MAPT: variants seen among roughly 807,000 people sequenced by gnomAD.
The protein encoded by MAPT is microtubule-associated protein tau.
A neutral mutation model predicts 67.9 loss-of-function variants in MAPT; 34 were observed. The observed-to-expected ratio is 0.50, with a 90% confidence interval of 0.38 to 0.67. MAPT has a LOEUF of 0.67. Ranked by LOEUF, MAPT falls within the 30% of genes least tolerant of loss-of-function variation. MAPT has a pLI of 0.00. For synonymous variants in MAPT, 456 were observed against 464.5 expected, an observed-to-expected ratio of 0.98 and a Z score of 0.23; for missense variants, 881 against 1,115.2, an observed-to-expected ratio of 0.79 and a Z score of 2.99.
At chr17:45,923,226 G>A (rs578069054) in intron 1 of MAPT, among the ~76,000 whole-genome samples, 1 of 152,320 alleles carries the variant, frequency 6.6e-6, no homozygotes, top group South Asian at 2.1e-4. Flanking sequence ...GCTGGATGCT[G>A]TAGATACTAA....
chr17:46,021,655 AC>A, intron 12 of MAPT, among the ~76,000 whole-genome samples: 1 of 152,198 alleles, frequency 6.6e-6, no homozygotes, highest in Admixed American at 6.5e-5. Flanking sequence ...GAAATGCTGT[AC>A]CTACGTCCCG....
rs1271080496 is a variant in MAPT at position 45,904,329 on chromosome 17, T to TAATATATTATA, written c.-18+9643_-18+9644insAATATATTATA. Among the ~76,000 whole-genome samples the TAATATATTATA allele has an allele frequency of 1.3e-3, 79 of 62,202 alleles. 2 individuals are homozygous for TAATATATTATA. In the South Asian group the frequency reaches 0.03, roughly 23 times the overall value. The allele number at this position is 62,202 out of a possible 152,430, so 40.8% of individuals were successfully genotyped here. ...TATATAAAAACATATATAATATATA[T>TAATATATTATA]TATATATTATATATATATTATATAT... On this transcript the variant is annotated intron_variant, in intron 1 of 12. Transcript: ENST00000262410.
chr17:45,990,472 GGCGTGGTGGTAT>G (rs886303984), intron 7 of MAPT: 4 of 449,162 alleles, frequency 8.9e-6, no homozygotes, highest in Non-Finnish European at 1.3e-5. Context: ...AAATTAGCCG[GGCGTGGTGGTAT>G]GCGTGGTGGT....
intron 1 of MAPT, among the ~76,000 whole-genome samples, chr17:45,917,322 G>A (rs1284566914): frequency 6.6e-6 from 1 of 152,136 alleles, no homozygotes. Flanking sequence ...TAAGAGCTAG[G>A]GTTGTCTCAT....
intron 9 of MAPT, among the ~76,000 whole-genome samples, chr17:46,006,469 A>G (rs1326811158): frequency 1.3e-5 from 2 of 152,040 alleles, no homozygotes; most frequent in African/African-American, 4.8e-5. Context: ...AGGGATGGTT[A>G]ATGGGTACAA....
At chr17:45,903,556 A>C (rs2063760160) in intron 1 of MAPT, among the ~76,000 whole-genome samples, 1 of 150,564 alleles carries the variant, frequency 6.6e-6, no homozygotes, top group African/African-American at 2.4e-5. Context: ...TCTACTAAAA[A>C]TACAAAAAAT....
chr17:46,012,228 G>A (rs555750701), intron 10 of MAPT, among the ~76,000 whole-genome samples: 17 of 152,300 alleles, frequency 1.1e-4, no homozygotes, highest in African/African-American at 3.4e-4. Flanking sequence ...CACGGGCTGC[G>A]TGGCCAACCC....
chr17:45,927,913 T>C (rs1447317002), intron 1 of MAPT, among the ~76,000 whole-genome samples: 3 of 141,348 alleles, frequency 2.1e-5, no homozygotes, highest in Admixed American at 1.6e-4. Flanking sequence ...GGCAGGAGAA[T>C]GGCGTGAACC....
chr17:45,909,325 A>T (rs1181389999), intron 1 of MAPT, among the ~76,000 whole-genome samples: 1 of 152,206 alleles, frequency 6.6e-6, no homozygotes, highest in Non-Finnish European at 1.5e-5. Flanking sequence ...TTCCAGTGGG[A>T]TAAGCCCTGC....
At chr17:46,014,201 T>C in intron 10 of MAPT, 42 bp from the exon 11 acceptor site, 1 of 1,135,526 alleles carries the variant, frequency 8.8e-7, no homozygotes, top group Non-Finnish European at 1.3e-6. Flanking sequence ...TCTTCCTCTC[T>C]CTCTGCCTTT....
Position 45,937,067 on chromosome 17 carries a change from G to A in MAPT, c.-17-25254G>A, listed in dbSNP as rs143267653. Among the ~76,000 whole-genome samples the A allele has an allele frequency of 5.9e-3, 899 of 152,276 alleles. 9 individuals carry two copies. The highest frequency in any genetic ancestry group is 0.02 in the African/African-American group (831 of 41,530). On this transcript the variant is annotated intron_variant, in intron 1 of 12. Coordinates refer to ENST00000262410, the MANE Select transcript of MAPT (RefSeq NM_001377265.1). ...AAATATGTATGCGATATGAGAGCTC[G>A]TCAGTTAGCTGTCTTCAGTGTGGCG...
chr17:45,993,187 G>T (rs2074213314), intron 8 of MAPT, among the ~76,000 whole-genome samples: 1 of 152,232 alleles, frequency 6.6e-6, no homozygotes, highest in Non-Finnish European at 1.5e-5. Flanking sequence ...GCGTGTCTTT[G>T]CGGTGGCATT....
At chr17:45,900,845 C>A (rs891941902) in intron 1 of MAPT, among the ~76,000 whole-genome samples, 1 of 152,134 alleles carries the variant, frequency 6.6e-6, no homozygotes, top group Non-Finnish European at 1.5e-5. Context: ...TATGATGGTA[C>A]CTGTCTCACG....
chr17:45,917,058 T>G (rs1208512649), intron 1 of MAPT, among the ~76,000 whole-genome samples: 1 of 152,246 alleles, frequency 6.6e-6, no homozygotes, highest in African/African-American at 2.4e-5. Context: ...ATGACAGACT[T>G]CGGTCATGGG....
intron 3 of MAPT, chr17:45,974,269 A>G: frequency 1.3e-6 from 1 of 773,642 alleles, no homozygotes. Flanking sequence ...TTTCTGGCAT[A>G]TGGCTGATCC....
chr17:45,971,851 T>C lies in MAPT; in HGVS notation c.134-8T>C. ...CACCGTTCTGAGGGCTCACTGTATG[T>C]GTTCCAGAATCTCCCCTGCAGACCC... On this transcript the variant is annotated splice_polypyrimidine_tract_variant and splice_region_variant and intron_variant, in intron 2 of 12. Coordinates refer to ENST00000262410, the MANE Select transcript of MAPT (RefSeq NM_001377265.1). This position sits in a 1 kb window ranked among gnomAD's most constrained non-coding sequence, Gnocchi z 4.3. 1.2e-6 allele frequency: 2 copies of C among 1,606,304 alleles called. No homozygotes were observed. Among genetic ancestry groups the C allele is most frequent in the Non-Finnish European group, 8.5e-7 (1 of 1,172,886 alleles).
At chr17:45,928,665 G>A (rs1479295798) in intron 1 of MAPT, among the ~76,000 whole-genome samples, 1 of 151,828 alleles carries the variant, frequency 6.6e-6, no homozygotes, top group African/African-American at 2.4e-5. Context: ...GACATCAGTG[G>A]AGTTATATAT....
intron 1 of MAPT, among the ~76,000 whole-genome samples, chr17:45,922,442 G>A (rs1486898221): frequency 6.6e-6 from 1 of 151,114 alleles, no homozygotes; most frequent in Non-Finnish European, 1.5e-5. Flanking sequence ...GCCAGGCACT[G>A]GGCTGCTGAG....
At chr17:46,018,162 A>C (rs985535271) in intron 11 of MAPT, among the ~76,000 whole-genome samples, 1 of 151,906 alleles carries the variant, frequency 6.6e-6, no homozygotes, top group African/African-American at 2.4e-5. Context: ...AAAAAAAAAA[A>C]ACAGACTTTA....
Sources: gnomAD v4.1 joint callset for allele counts (sites outside exome capture counted in the v4.1 genomes callset) on GRCh38, gnomAD v4.1.1 for gene constraint, Gnocchi (gnomAD v3.1) non-coding constraint, MANE v1.5 for transcripts, NCBI Gene and HGNC (gene_info 2026-07-23, HGNC 2026-07-21) for gene names.